LYPLA1: variants seen among roughly 807,000 people sequenced by gnomAD.
The protein encoded by LYPLA1 is acyl-protein thioesterase 1.
A neutral mutation model predicts 34.0 loss-of-function variants in LYPLA1; 17 were observed. That is an observed-to-expected ratio of 0.50 (90% CI 0.34 to 0.75). The LOEUF (loss-of-function observed/expected upper bound fraction) is 0.75. Among genes scored for constraint, LYPLA1 ranks in the 30% least tolerant of loss-of-function variants. The pLI, the probability that LYPLA1 is intolerant of heterozygous loss-of-function variation, is 0.01. For missense variants in LYPLA1, 203 were observed against 288.8 expected, an observed-to-expected ratio of 0.70 and a Z score of 2.15; for synonymous variants, 98 against 100.8, an observed-to-expected ratio of 0.97 and a Z score of 0.17.
Position 54,053,475 on chromosome 8 carries a change from C to T in LYPLA1, c.361-719G>A, listed in dbSNP as rs1804239641. 2.1e-5 allele frequency: 8 copies of T among 387,118 alleles called. No homozygotes were observed. The Admixed American group carries it at 2.2e-4, about 11-fold the overall frequency. The allele number at this position is 387,118 out of a possible 1,614,324, so 24.0% of individuals were successfully genotyped here. The stretch of plus-strand genomic sequence containing the variant: ...GACACCTTCAGAGTATCTGCCTACC[C>T]AGCTCACAACATCCCACATTCTGGA... On this transcript the variant is annotated intron_variant, in intron 6 of 8. Transcript: ENST00000316963.
intron 2 of LYPLA1, among the ~76,000 whole-genome samples, chr8:54,085,829 C>T (rs1217757983): frequency 6.9e-6 from 1 of 144,118 alleles, no homozygotes; most frequent in African/African-American, 2.6e-5. Flanking sequence ...AGCCCCCGGC[C>T]GGCCAGCCGC....
intron 2 of LYPLA1, among the ~76,000 whole-genome samples, chr8:54,097,812 T>C (rs1371085381): frequency 6.6e-6 from 1 of 152,244 alleles, no homozygotes; most frequent in Non-Finnish European, 1.5e-5. Context: ...ATAAAGTTTA[T>C]TGTGTAAATT....
chr8:54,054,921 CTTAA>C, intron 6 of LYPLA1, 135 bp downstream of exon 6: 6 of 620,152 alleles, frequency 9.7e-6, no homozygotes, highest in Non-Finnish European at 1.7e-5. Context: ...TACACTGAAA[CTTAA>C]TTAAACATCA....
At chr8:54,053,030 A>T (rs1805956568) in intron 6 of LYPLA1, 1 of 350,502 alleles carries the variant, frequency 2.9e-6, no homozygotes, top group African/African-American at 2.1e-5. Flanking sequence ...GAATATTCTG[A>T]ATTTATATTT....
intron 2 of LYPLA1, among the ~76,000 whole-genome samples, chr8:54,073,809 T>C (rs916538642): frequency 3.3e-5 from 5 of 152,356 alleles, no homozygotes; most frequent in Admixed American, 6.5e-5. Flanking sequence ...CATATCTCCA[T>C]TGTGCCCAAG....
At chr8:54,085,143 C>T (rs1808618307) in intron 2 of LYPLA1, among the ~76,000 whole-genome samples, 1 of 152,230 alleles carries the variant, frequency 6.6e-6, no homozygotes, top group Non-Finnish European at 1.5e-5. Flanking sequence ...CGCACTGCCA[C>T]GCCTGACTGG....
intron 2 of LYPLA1, among the ~76,000 whole-genome samples, chr8:54,091,577 AAGAAAAGG>A (rs1240812610): frequency 3.2e-5 from 4 of 123,920 alleles, no homozygotes; most frequent in Non-Finnish European, 6.6e-5. Context: ...GAAAGAAAGA[AAGAAAAGG>A]AAGGAAGGAA....
At position 54,100,956 on chromosome 8, in the gene LYPLA1, A is replaced by G. The variant is rs757979477; in HGVS notation, c.70-17T>C. ...GAAAATCACCTATAAGAGAAGAGGA[A>G]AATTAATAAGCAATGCCTAAATAAG... On this transcript the variant is annotated splice_polypyrimidine_tract_variant and intron_variant, in intron 1 of 8. Transcript: ENST00000316963. The G allele has an allele frequency of 1.2e-6, 2 of 1,605,578 alleles. No individual in the cohort carries two copies. The highest frequency in any genetic ancestry group is 8.5e-7 in the Non-Finnish European group (1 of 1,172,382).
chr8:54,073,085 G>A lies in LYPLA1; in HGVS notation c.102-7272C>T, dbSNP rs1285001460. 17 of 607,664 alleles carry A rather than the reference G, an allele frequency of 2.8e-5. No individual in the cohort carries two copies. The Admixed American group carries it at 3.8e-4, about 14-fold the overall frequency. The allele number at this position is 607,664 out of a possible 1,614,324, so 37.6% of individuals were successfully genotyped here. The stretch of plus-strand genomic sequence containing the variant: ...GGCTATCATCAAAAAGTCAAAAAAG[G>A]TCGTTAAGGGTTGGGCCATCAGGAA... On this transcript the variant is annotated intron_variant, in intron 2 of 8. Transcript: ENST00000316963.
rs1337107763 is a variant in LYPLA1, at chr8:54,063,366, C to A, written c.177G>T (p.Arg59Ser). 1.4e-5 allele frequency: 22 copies of A among 1,534,656 alleles called. No individual in the cohort carries two copies. The highest frequency in any genetic ancestry group is 1.8e-5 in the Non-Finnish European group (21 of 1,138,440). Reference sequence around the variant, plus strand: ...CCACGTTCATATTTAATGTAACAGGCCTAACAGGCCTACATGGAAAAGAAA... The same window carrying A: ...CCACGTTCATATTTAATGTAACAGGACTAACAGGCCTACATGGAAAAGAAA... Reference protein sequence around the residue: ...IKYICPHAPVRPVTLNMNVAM... With the variant: ...IKYICPHAPVSPVTLNMNVAM... Residue 59 changes from arginine to serine, a missense_variant, in exon 4 of 9, where the codon AGG (arginine) becomes AGT (serine). Coordinates refer to ENST00000316963, the MANE Select transcript of LYPLA1 (RefSeq NM_006330.4).
intron 2 of LYPLA1, among the ~76,000 whole-genome samples, chr8:54,087,023 C>T (rs1319519948): frequency 1.3e-5 from 2 of 152,006 alleles, no homozygotes; most frequent in Non-Finnish European, 2.9e-5. Context: ...ACCATTTTAC[C>T]AGAGATTGTA....
rs1391306206 is a variant in LYPLA1 at position 54,062,244 on chromosome 8, C to T, written c.286+10G>A. The T allele has an allele frequency of 1.9e-6, 3 of 1,572,178 alleles. No individual in the cohort carries two copies. The highest frequency in any genetic ancestry group is 1.1e-5 in the South Asian group (1 of 87,860). On this transcript the variant is annotated intron_variant, in intron 5 of 8. Transcript: ENST00000316963. ...ACACTTTTGGCTTTATAAACATTTT[C>T]TGTACTTACTATTTTCTGCTGCCTG...
chr8:54,098,246 A>G (rs1462824546), intron 2 of LYPLA1, among the ~76,000 whole-genome samples: 1 of 151,904 alleles, frequency 6.6e-6, no homozygotes, highest in African/African-American at 2.4e-5. Flanking sequence ...AAACAATACC[A>G]AAACAGTTGA....
intron 2 of LYPLA1, among the ~76,000 whole-genome samples, chr8:54,090,161 G>T (rs1483807306): frequency 6.6e-6 from 1 of 152,176 alleles, no homozygotes; most frequent in Admixed American, 6.5e-5. Context: ...GACGCATTGG[G>T]GGCGCCTGTC....
intron 2 of LYPLA1, among the ~76,000 whole-genome samples, chr8:54,079,966 T>A (rs1470415417): frequency 2.0e-5 from 3 of 152,218 alleles, no homozygotes; most frequent in Non-Finnish European, 4.4e-5. Flanking sequence ...CGTTACTATA[T>A]TTTCTATTTC....
intron 6 of LYPLA1, among the ~76,000 whole-genome samples, chr8:54,054,127 C>T (rs1444656534): frequency 2.0e-5 from 3 of 152,140 alleles, no homozygotes; most frequent in Admixed American, 6.6e-5. Context: ...GTTACAGAGG[C>T]GTGCACCACT....
At chr8:54,079,628 C>A in intron 2 of LYPLA1, among the ~76,000 whole-genome samples, 1 of 151,530 alleles carries the variant, frequency 6.6e-6, no homozygotes, top group Non-Finnish European at 1.5e-5. Flanking sequence ...TGTGGCGAAT[C>A]CCCCATATCT....
intron 2 of LYPLA1, among the ~76,000 whole-genome samples, chr8:54,078,519 G>T (rs1266274602): frequency 6.6e-6 from 1 of 152,120 alleles, no homozygotes; most frequent in African/African-American, 2.4e-5. Context: ...AAACACATCC[G>T]TACGCTGCTC....
chr8:54,062,246 GTACT>G lies in LYPLA1; in HGVS notation c.286+4_286+7del. On this transcript the variant is annotated splice_donor_5th_base_variant and intron_variant, in intron 5 of 8. Coordinates refer to ENST00000316963, the MANE Select transcript of LYPLA1 (RefSeq NM_006330.4). ...ACTTTTGGCTTTATAAACATTTTCT[GTACT>G]TACTATTTTCTGCTGCCTGTTTAAT... is the stretch of plus-strand genomic sequence containing the variant. 6.3e-7 allele frequency: 1 copy of G among 1,575,458 alleles called. No individual in the cohort carries two copies. The highest frequency in any genetic ancestry group is 8.7e-7 in the Non-Finnish European group (1 of 1,151,376).
Sources: allele counts gnomAD v4.1 joint callset (sites outside exome capture counted in the v4.1 genomes callset), GRCh38; gene constraint gnomAD v4.1.1; transcripts MANE v1.5; gene names NCBI Gene and HGNC (gene_info 2026-07-23, HGNC 2026-07-21).